INTS5: variants seen among roughly 807,000 people sequenced by gnomAD.
INTS5 encodes KIAA1698.
Under a neutral mutation model 60.0 loss-of-function variants are expected in INTS5, and 29 were observed. That is an observed-to-expected ratio of 0.48 (90% CI 0.36 to 0.66). The LOEUF is 0.66. Among genes scored for constraint, INTS5 ranks in the 30% least tolerant of loss-of-function variants. INTS5 has a pLI of 0.00. For synonymous variants in INTS5, 588 were observed against 558.8 expected (o/e 1.05, Z -0.74); for missense variants, 1,129 against 1,307.9 (o/e 0.86, Z 2.11).
chr11:62,649,299 C>G lies in INTS5; in HGVS notation c.781G>C (p.Gly261Arg), dbSNP rs1414867764. 1 of 1,613,996 alleles carries G rather than the reference C, an allele frequency of 6.2e-7. No individual in the cohort carries two copies. The highest frequency in any genetic ancestry group is 8.5e-7 in the Non-Finnish European group (1 of 1,180,020). The change falls in exon 2 of 2, where the codon GGC becomes CGC. Residue 261 changes from glycine (G) to arginine (R), a missense_variant. This residue lies in a region of INTS5 where 1,070 missense variants were observed against 1,246.1 expected (regional missense o/e 0.86). Transcript: ENST00000330574. The surrounding 1 kb of genome is among the most constrained non-coding windows in gnomAD (Gnocchi z 6.0). ...CVHGGAGGGA[G>R]SSGGSSSQTP... is the part of the protein sequence containing the mutation. ...TGAGAAGAGCTTCCACCACTACTGC[C>G]AGCTCCACCTCCAGCCCCACCATGG...
rs757840105 is a variant in INTS5 at position 62,647,581 on chromosome 11, G to C, written c.2499C>G (p.Pro833=). 1 of 1,613,880 alleles carries C rather than the reference G, an allele frequency of 6.2e-7. No individual in the cohort carries two copies. The highest frequency in any genetic ancestry group is 8.5e-7 in the Non-Finnish European group (1 of 1,180,006). ...DAAGAELAWP[P]EEHARATVER... The stretch of plus-strand genomic sequence containing the variant: ...CCACGGTGGCCCGGGCGTGTTCCTC[G>C]GGGGGCCAGGCCAGCTCTGCACCAG... The change falls in exon 2 of 2, where the codon CCC becomes CCG. Residue 833 remains proline, a synonymous_variant. Coordinates refer to ENST00000330574, the MANE Select transcript of INTS5 (RefSeq NM_030628.2).
chr11:62,648,416 C>T lies in INTS5; in HGVS notation c.1664G>A (p.Arg555Gln), dbSNP rs138018762. 1.5e-5 allele frequency: 25 copies of T among 1,614,108 alleles called. No individual in the cohort carries two copies. The East Asian group carries it at 1.6e-4, about 10-fold the overall frequency. Residue 555 changes from arginine (R) to glutamine (Q), a missense_variant, in exon 2 of 2, where the codon CGA becomes CAA. Arg to Gln is a conservative substitution (Grantham distance 43). This residue lies in a region of INTS5 where 1,070 missense variants were observed against 1,246.1 expected (regional missense o/e 0.86). Transcript: ENST00000330574. The surrounding 1 kb of genome is among the most constrained non-coding windows in gnomAD (Gnocchi z 4.4). ...SLSGLLPLAF[R>Q]SCLARVHAGT... Reference sequence around the variant, plus strand: ...TGCATGCACCCGAGCCAGACAGCTTCGGAAAGCCAGGGGCAGGAGGCCAGA... The same window carrying T: ...TGCATGCACCCGAGCCAGACAGCTTTGGAAAGCCAGGGGCAGGAGGCCAGA...
rs753646237 is a variant in INTS5 at position 62,648,054 on chromosome 11, G to A, written c.2026C>T (p.Arg676Cys). ...GVASACQLLT[R>C]LSQTSPAGLK... ...CCAGCTGGGGATGTCTGAGACAGGCGGGTGAGAAGCTGACAGGCTGAGGCC... is the reference window on the plus strand; with the variant it reads ...CCAGCTGGGGATGTCTGAGACAGGCAGGTGAGAAGCTGACAGGCTGAGGCC... Residue 676 changes from arginine (R) to cysteine (C), a missense_variant, in exon 2 of 2, where the codon CGC becomes TGC. Arg to Cys is a radical substitution (Grantham distance 180). This residue lies in a region of INTS5 where 1,070 missense variants were observed against 1,246.1 expected (regional missense o/e 0.86). Coordinates refer to ENST00000330574, the MANE Select transcript of INTS5 (RefSeq NM_030628.2). This position sits in a 1 kb window ranked among gnomAD's most constrained non-coding sequence, Gnocchi z 4.4. The A allele has an allele frequency of 1.9e-5, 30 of 1,614,184 alleles. No individual in the cohort carries two copies. Among genetic ancestry groups the A allele is most frequent in the Admixed American group, 3.3e-5 (2 of 60,016 alleles).
chr11:62,649,947 T>C lies in INTS5; in HGVS notation c.133A>G (p.Ile45Val), dbSNP rs1427937610. 1 of 1,614,128 alleles carries C rather than the reference T, an allele frequency of 6.2e-7. No individual in the cohort carries two copies. The highest frequency in any genetic ancestry group is 2.2e-5 in the East Asian group (1 of 44,890). The change falls in exon 2 of 2, where the codon ATT becomes GTT. Residue 45 changes from isoleucine (I) to valine (V), a missense_variant. Ile to Val is a conservative substitution (Grantham distance 29, BLOSUM62 3). Transcript: ENST00000330574. This position sits in a 1 kb window ranked among gnomAD's most constrained non-coding sequence, Gnocchi z 6.0. ...CGGGCTGAGAGTTGGTGGCCCAGAA[T>C]GGGGTCTACGCCAGTCAGAAAAGCC... ...IKAFLTGVDP[I>V]LGHQLSAREH...
In INTS5 at chr11:62,646,888, A is replaced by AT. The variant is rs1944517371; in HGVS notation, c.*131_*132insA. 1 of 838,706 alleles carries AT rather than the reference A, an allele frequency of 1.2e-6. No individual in the cohort carries two copies. Among genetic ancestry groups the AT allele is most frequent in the Non-Finnish European group, 1.8e-6 (1 of 541,918 alleles). The allele number at this position is 838,706 out of a possible 1,614,324, so 52.0% of individuals were successfully genotyped here. On this transcript the variant is annotated 3_prime_UTR_variant, in exon 2 of 2. Coordinates refer to ENST00000330574, the MANE Select transcript of INTS5 (RefSeq NM_030628.2). ...GGCAAATTTTATTTAGAAAAAAAAA[A>AT]GTGGGAGAGAAAAAAGTGACAGCGC...
At position 62,653,254 on chromosome 11, in the gene INTS5, G is replaced by T. The variant is rs1490796425; in HGVS notation, c.-5C>A. The T allele has an allele frequency of 1.6e-6, 2 of 1,242,104 alleles. No homozygotes were observed. The highest frequency in any genetic ancestry group is 6.3e-5 in the East Asian group (2 of 31,650). The allele number at this position is 1,242,104 out of a possible 1,614,324, so 76.9% of individuals were successfully genotyped here. A position where few individuals can be genotyped will look rare whatever the true frequency, so the allele number is the denominator to read the frequency against. On this transcript the variant is annotated 5_prime_UTR_variant, in exon 1 of 2. Transcript: ENST00000330574. ...AGGGTCGCACAGCGCGGACATCCCG[G>T]AGCCCGAGCCGAGCCCGAGGCGCGA...
rs974821248 is a variant in INTS5, at chr11:62,653,278, G to T, written c.-29C>A. ...GGAGCCCGAGCCGAGCCCGAGGCGC[G>T]AGCGGCGGAGCGCAGGCGGCGCATG... is the stretch of plus-strand genomic sequence containing the variant. On this transcript the variant is annotated 5_prime_UTR_variant, in exon 1 of 2. Coordinates refer to ENST00000330574, the MANE Select transcript of INTS5 (RefSeq NM_030628.2). The T allele has an allele frequency of 4.0e-6, 5 of 1,236,932 alleles. No homozygotes were observed. Among genetic ancestry groups the T allele is most frequent in the African/African-American group, 1.6e-5 (1 of 64,226 alleles). 76.6% of individuals were successfully genotyped at this position (1,236,932 alleles called of 1,614,324 possible). A position where few individuals can be genotyped will look rare whatever the true frequency, so the allele number is the denominator to read the frequency against.
At position 62,653,285 on chromosome 11, in the gene INTS5, G is replaced by A. The variant is rs890063498; in HGVS notation, c.-36C>T. 5 of 1,233,594 alleles carry A rather than the reference G, an allele frequency of 4.1e-6. No individual in the cohort carries two copies. Among genetic ancestry groups the A allele is most frequent in the African/African-American group, 3.1e-5 (2 of 64,146 alleles). The allele number at this position is 1,233,594 out of a possible 1,614,324, so 76.4% of individuals were successfully genotyped here. On this transcript the variant is annotated 5_prime_UTR_variant, in exon 1 of 2. Transcript: ENST00000330574. ...GAGCCGAGCCCGAGGCGCGAGCGGC[G>A]GAGCGCAGGCGGCGCATGCGCGCTG...
chr11:62,647,088 G>T lies in INTS5; in HGVS notation c.2992C>A (p.Arg998Ser). The T allele has an allele frequency of 6.2e-7, 1 of 1,614,146 alleles. No individual in the cohort carries two copies. ...AAACGGCCAGAGAAAAGACCTAGGC[G>T]GTCGATGTTGCGGTGGAGGACACTG... ...LHSVLHRNIDRLGLFSGRFQA... is the reference protein window; with the variant it reads ...LHSVLHRNIDSLGLFSGRFQA... Residue 998 changes from arginine (R) to serine (S), a missense_variant, in exon 2 of 2, where the codon CGC (arginine) becomes AGC (serine). Arg to Ser is a moderately radical substitution (Grantham distance 110). This residue lies in a region of INTS5 where 1,070 missense variants were observed against 1,246.1 expected (regional missense o/e 0.86). Transcript: ENST00000330574.
chr11:62,653,128 G>C (rs1452985095), intron 1 of INTS5, 42 bp downstream of exon 1: 3 of 1,181,724 alleles, frequency 2.5e-6, no homozygotes, highest in African/African-American at 3.2e-5. Flanking sequence ...GGATCGGCGC[G>C]GGGCCGCGCG....
At chr11:62,651,124 G>C (rs548491528) in intron 1 of INTS5, among the ~76,000 whole-genome samples, 13 of 150,820 alleles carry the variant, frequency 8.6e-5, no homozygotes, top group Admixed American at 7.3e-4. Flanking sequence ...TTCTCCCCCC[G>C]CCCCGAGAGG....
rs964811302 is a variant in INTS5 at position 62,653,275 on chromosome 11, C to G, written c.-26G>C. Reference sequence around the variant, plus strand: ...CCCGGAGCCCGAGCCGAGCCCGAGGCGCGAGCGGCGGAGCGCAGGCGGCGC... The same window carrying G: ...CCCGGAGCCCGAGCCGAGCCCGAGGGGCGAGCGGCGGAGCGCAGGCGGCGC... On this transcript the variant is annotated 5_prime_UTR_variant, in exon 1 of 2. Coordinates refer to ENST00000330574, the MANE Select transcript of INTS5 (RefSeq NM_030628.2). 7.3e-6 allele frequency: 9 copies of G among 1,240,788 alleles called. No individual in the cohort carries two copies. The highest frequency in any genetic ancestry group is 7.1e-6 in the Non-Finnish European group (7 of 985,844). The allele number at this position is 1,240,788 out of a possible 1,614,324, so 76.9% of individuals were successfully genotyped here.
chr11:62,649,717 C>T lies in INTS5; in HGVS notation c.363G>A (p.Val121=). 6.2e-7 allele frequency: 1 copy of T among 1,614,220 alleles called. No individual in the cohort carries two copies. Among genetic ancestry groups the T allele is most frequent in the Non-Finnish European group, 8.5e-7 (1 of 1,180,040 alleles). The change falls in exon 2 of 2, where the codon GTG becomes GTA. Residue 121 remains valine, a synonymous_variant. Coordinates refer to ENST00000330574, the MANE Select transcript of INTS5 (RefSeq NM_030628.2). This position sits in a 1 kb window ranked among gnomAD's most constrained non-coding sequence, Gnocchi z 6.0. ...ACAGCACCTGCTGCACTTCCTGAAC[C>T]ACATCCTCTAGACCAGGTCCACCAG... is the stretch of plus-strand genomic sequence containing the variant. The part of the protein sequence containing the change: ...VPAGGPGLED[V]VQEVQQVLSE...
At chr11:62,650,257 C>T (rs1281569344) in intron 1 of INTS5, among the ~76,000 whole-genome samples, 2 of 151,824 alleles carry the variant, frequency 1.3e-5, no homozygotes, top group Non-Finnish European at 2.9e-5. Flanking sequence ...GCTGGGACTA[C>T]AGGCACCCGC....
In INTS5 at chr11:62,648,271, G is replaced by A. The variant is rs756509288; in HGVS notation, c.1809C>T (p.Ala603=). The A allele has an allele frequency of 9.9e-6, 16 of 1,613,828 alleles. No homozygotes were observed. The highest frequency in any genetic ancestry group is 1.3e-5 in the Non-Finnish European group (15 of 1,180,036). ...AALGAHFGES[A]SAHLSDLAPL... ...GAGCCAGGTCAGACAGATGGGCTGA[G>A]GCAGATTCCCCAAAGTGCGCCCCTA... The change falls in exon 2 of 2, where the codon GCC becomes GCT. Residue 603 remains alanine (A), a synonymous_variant. Coordinates refer to ENST00000330574, the MANE Select transcript of INTS5 (RefSeq NM_030628.2). This position sits in a 1 kb window ranked among gnomAD's most constrained non-coding sequence, Gnocchi z 4.4.
intron 1 of INTS5, among the ~76,000 whole-genome samples, chr11:62,652,165 C>A (rs201224172): frequency 5.3e-3 from 689 of 130,392 alleles, no homozygotes; most frequent in Admixed American, 6.4e-3. Flanking sequence ...ATTAAAAATA[C>A]AAAAAAAAAA....
rs764258983 is a variant in INTS5 at position 62,648,237 on chromosome 11, G to A, written c.1843C>T (p.Leu615=). Residue 615 remains leucine (L), a synonymous_variant, in exon 2 of 2, where the codon CTA becomes TTA. Transcript: ENST00000330574. The surrounding 1 kb of genome is among the most constrained non-coding windows in gnomAD (Gnocchi z 4.4). ...AHLSDLAPLL[L]HPEEEVAEAA... is the part of the protein sequence containing the mutation. Reference sequence around the variant, plus strand: ...TCAGCTACTTCCTCCTCAGGATGTAGCAGGAGAGGAGCCAGGTCAGACAGA... The same window carrying A: ...TCAGCTACTTCCTCCTCAGGATGTAACAGGAGAGGAGCCAGGTCAGACAGA... The A allele has an allele frequency of 1.9e-6, 3 of 1,613,822 alleles. No individual in the cohort carries two copies. The highest frequency in any genetic ancestry group is 1.1e-5 in the South Asian group (1 of 91,084).
At position 62,649,573 on chromosome 11, in the gene INTS5, A is replaced by G. The variant is rs3750989; in HGVS notation, c.507T>C (p.Ala169=). The G allele has an allele frequency of 5.6e-6, 9 of 1,614,082 alleles. No homozygotes were observed. In the African/African-American group the frequency reaches 1.1e-4, roughly 19 times the overall value. The stretch of plus-strand genomic sequence containing the variant: ...GTAGCAGTTCATTAAGAGCGCCAGT[A>G]GCGTGGGGAACACGCTGGTGCTGGC... ...YSGQHQRVPH[A]TGALNELLQL... Residue 169 remains alanine, a synonymous_variant, in exon 2 of 2, where the codon GCT becomes GCC. Transcript: ENST00000330574. This position sits in a 1 kb window ranked among gnomAD's most constrained non-coding sequence, Gnocchi z 6.0.
chr11:62,653,145 G>A (rs943489374), intron 1 of INTS5, 25 bp downstream of exon 1: 1 of 1,230,152 alleles, frequency 8.1e-7, no homozygotes, highest in Non-Finnish European at 1.0e-6. Context: ...CGCGATGGGG[G>A]GAAGGTGCCA....
Sources: gnomAD v4.1 joint callset for allele counts (sites outside exome capture counted in the v4.1 genomes callset) on GRCh38, gnomAD v4.1.1 for gene constraint, gnomAD v4.1.1 regional missense constraint, Gnocchi (gnomAD v3.1) non-coding constraint, MANE v1.5 for transcripts, NCBI Gene and HGNC (gene_info 2026-07-23, HGNC 2026-07-21) for gene names.